The following NMT2 variants were observed in gnomAD, a reference collection of about 807,000 sequenced individuals.
NMT2 encodes N-myristoyltransferase 2, also known as glycylpeptide N-tetradecanoyltransferase 2.
Under a neutral mutation model 65.4 loss-of-function variants are expected in NMT2, and 35 were observed. That is an observed-to-expected ratio of 0.54 (90% CI 0.41 to 0.71). NMT2 has a LOEUF of 0.71. NMT2 is among the 30% of genes least tolerant of loss of function. The pLI is 0.00. For synonymous variants in NMT2, 226 were observed against 231.8 expected, an observed-to-expected ratio of 0.98 and a Z score of 0.23; for missense variants, 489 against 611.3, an observed-to-expected ratio of 0.80 and a Z score of 2.11.
In NMT2 at chr10:15,135,333, A is replaced by G. The variant is rs769192344; in HGVS notation, c.332T>C (p.Ile111Thr). ...LSACQGPARNIDEAAKHRYQF... is the reference protein window; with the variant it reads ...LSACQGPARNTDEAAKHRYQF... ...GTATCTGTGCTTTGCAGCCTCATCA[A>G]TGTTCCTGGCTGGGCCCTGGCATGC... The change falls in exon 3 of 12, where the codon ATT becomes ACT. Residue 111 changes from isoleucine (I) to threonine (T), a missense_variant. Coordinates refer to ENST00000378165, the MANE Select transcript of NMT2 (RefSeq NM_004808.3). The G allele has an allele frequency of 1.2e-6, 2 of 1,614,120 alleles. No homozygotes were observed. Among genetic ancestry groups the G allele is most frequent in the East Asian group, 2.2e-5 (1 of 44,884 alleles).
At chr10:15,141,664 G>C (rs960265158) in intron 1 of NMT2, 107 bp from the exon 2 acceptor site, 4 of 1,364,400 alleles carry the variant, frequency 2.9e-6, no homozygotes, top group Non-Finnish European at 3.9e-6. Context: ...GTTACATGCA[G>C]TAGAAAATAA....
intron 2 of NMT2, among the ~76,000 whole-genome samples, chr10:15,140,340 T>A (rs1846701517): frequency 6.6e-6 from 1 of 152,074 alleles, no homozygotes; most frequent in South Asian, 2.1e-4. Context: ...CCCAGGCTGG[T>A]CTTGAACTCC....
At chr10:15,165,464 T>A (rs1489976640) in intron 1 of NMT2, among the ~76,000 whole-genome samples, 1 of 152,230 alleles carries the variant, frequency 6.6e-6, no homozygotes, top group Non-Finnish European at 1.5e-5. Flanking sequence ...AAAATTATAC[T>A]TGTCTGAATA....
rs545960932 is a variant in NMT2 at position 15,108,081 on chromosome 10, T to C, written c.*1114A>G. 2.6e-5 allele frequency: 26 copies of C among 985,576 alleles called. No homozygotes were observed. The highest frequency in any genetic ancestry group is 1.1e-4 in the East Asian group (1 of 8,830). 61.1% of individuals were successfully genotyped at this position (985,576 alleles called of 1,614,324 possible). On this transcript the variant is annotated 3_prime_UTR_variant, in exon 12 of 12. Transcript: ENST00000378165. ...TTCCACCAGGCATCTCTTTTGACTT[T>C]ACAGTTTTTTATTTCCTTTTCTTCA...
chr10:15,144,406 G>A (rs539442246), intron 1 of NMT2, among the ~76,000 whole-genome samples: 68 of 152,070 alleles, frequency 4.5e-4, no homozygotes, highest in Non-Finnish European at 7.5e-4. Context: ...CCAGTGCACC[G>A]CTTGATACCC....
At chr10:15,132,442 T>A (rs953779077) in intron 6 of NMT2, among the ~76,000 whole-genome samples, 1 of 152,178 alleles carries the variant, frequency 6.6e-6, no homozygotes, top group Non-Finnish European at 1.5e-5. Context: ...TTTTATTTTT[T>A]TTGAGATGGA....
rs7902149 is a variant in NMT2, at chr10:15,106,908, A to C, written c.*2287T>G. Among the ~76,000 whole-genome samples, 18,200 of 152,192 alleles carry C rather than the reference A, an allele frequency of 0.12. 1,539 individuals are homozygous for C. Among genetic ancestry groups the C allele is most frequent in the African/African-American group, 0.24 (10,006 of 41,498 alleles). On this transcript the variant is annotated 3_prime_UTR_variant, in exon 12 of 12. Transcript: ENST00000378165. ...TTGAGGCCAGGAGTTAAAGACCAGC[A>C]CGGGAAACATAGCAAGACCTTGTCT... is the stretch of plus-strand genomic sequence containing the variant.
intron 1 of NMT2, among the ~76,000 whole-genome samples, chr10:15,148,525 G>C (rs865914037): frequency 4.2e-4 from 64 of 151,956 alleles, no homozygotes; most frequent in African/African-American, 1.4e-3. Flanking sequence ...TAAATAAATA[G>C]TATTAGAAAA....
chr10:15,122,771 A>G (rs1369535802), intron 8 of NMT2, among the ~76,000 whole-genome samples: 1 of 152,190 alleles, frequency 6.6e-6, no homozygotes, highest in Non-Finnish European at 1.5e-5. Context: ...TATGTGGGTT[A>G]TGCATATCCA....
chr10:15,168,198 C>T (rs1302644597), intron 1 of NMT2, among the ~76,000 whole-genome samples: 1 of 152,146 alleles, frequency 6.6e-6, no homozygotes, highest in Admixed American at 6.5e-5. Flanking sequence ...GCAACAGGCG[C>T]CTCCTGGGCC....
intron 1 of NMT2, among the ~76,000 whole-genome samples, chr10:15,148,307 C>T (rs937302937): frequency 2.0e-5 from 3 of 152,106 alleles, no homozygotes; most frequent in East Asian, 1.9e-4. Flanking sequence ...TCCAGGAGTT[C>T]GAGACCAGCC....
chr10:15,107,399 A>G lies in NMT2; in HGVS notation c.*1796T>C, dbSNP rs1010244784. 10 of 985,354 alleles carry G rather than the reference A, an allele frequency of 1.0e-5. No individual in the cohort carries two copies. The Admixed American group carries it at 4.3e-4, about 42-fold the overall frequency. The allele number at this position is 985,354 out of a possible 1,614,324, so 61.0% of individuals were successfully genotyped here. A position where few individuals can be genotyped will look rare whatever the true frequency, so the allele number is the denominator to read the frequency against. ...AGGAAATGCCATCATGTCTAAAACA[A>G]TTAACTTCTGCACTGAACTTCCTAG... On this transcript the variant is annotated 3_prime_UTR_variant, in exon 12 of 12. Transcript: ENST00000378165.
At chr10:15,115,270 T>C (rs1845705996) in intron 9 of NMT2, among the ~76,000 whole-genome samples, 1 of 152,304 alleles carries the variant, frequency 6.6e-6, no homozygotes. Context: ...TCATACTTGA[T>C]GATTAAAACA....
chr10:15,142,323 T>C (rs1347700460), intron 1 of NMT2, among the ~76,000 whole-genome samples: 2 of 152,124 alleles, frequency 1.3e-5, no homozygotes, highest in Non-Finnish European at 2.9e-5. Context: ...TTTGGGAGGC[T>C]GAGGCAGGTG....
intron 10 of NMT2, among the ~76,000 whole-genome samples, chr10:15,112,398 T>G (rs147008655): frequency 0.012 from 1,768 of 150,282 alleles, 39 homozygotes; most frequent in African/African-American, 0.041. Flanking sequence ...CTGGCTAACT[T>G]TTGTATTTTT....
chr10:15,112,353 C>G (rs923722390), intron 10 of NMT2, among the ~76,000 whole-genome samples: 12 of 146,132 alleles, frequency 8.2e-5, no homozygotes, highest in African/African-American at 7.5e-5. Context: ...CTCAGCCTCC[C>G]GAGTAGCTGG....
chr10:15,140,271 T>C (rs1846697393), intron 2 of NMT2, among the ~76,000 whole-genome samples: 1 of 151,788 alleles, frequency 6.6e-6, no homozygotes, highest in Non-Finnish European at 1.5e-5. Flanking sequence ...TACAGGTGCA[T>C]GCCACCGTGC....
chr10:15,154,683 A>G (rs1832927708), intron 1 of NMT2: 13 of 459,630 alleles, frequency 2.8e-5, no homozygotes, highest in South Asian at 2.5e-4. Flanking sequence ...ACCCAAAGGG[A>G]AATGCAGTGA....
intron 2 of NMT2, among the ~76,000 whole-genome samples, chr10:15,140,821 C>T (rs1262463317): frequency 6.6e-6 from 1 of 152,342 alleles, no homozygotes; most frequent in Middle Eastern, 3.4e-3. Flanking sequence ...CCACGCAGTA[C>T]AATCAACCCT....
Sources: gnomAD v4.1 joint callset for allele counts (sites outside exome capture counted in the v4.1 genomes callset) on GRCh38, gnomAD v4.1.1 for gene constraint, MANE v1.5 for transcripts, NCBI Gene and HGNC (gene_info 2026-07-23, HGNC 2026-07-21) for gene names.